ROBO1: variants seen among roughly 807,000 people sequenced by gnomAD.
ROBO1 encodes roundabout homolog 1.
Under a neutral mutation model 195.9 loss-of-function variants are expected in ROBO1, and 149 were observed. The ratio of observed to expected loss-of-function variants is 0.76; its 90% CI spans 0.67 to 0.87. The LOEUF (loss-of-function observed/expected upper bound fraction) is 0.87, where lower values mean the gene tolerates loss of function less well. ROBO1 is among the 40% of genes least tolerant of loss of function. ROBO1 has a pLI of 0.00. For missense variants in ROBO1, 1,933 were observed against 2,068.3 expected, an observed-to-expected ratio of 0.93 and a Z score of 1.27; for synonymous variants, 816 against 733.2, an observed-to-expected ratio of 1.11 and a Z score of -1.82.
intron 4 of ROBO1, among the ~76,000 whole-genome samples, chr3:78,779,989 G>A (rs896885128): frequency 9.9e-5 from 15 of 152,226 alleles, no homozygotes; most frequent in Middle Eastern, 3.4e-3. Flanking sequence ...ATCATTCTCA[G>A]CAAACTAACA....
chr3:78,876,106 T>C (rs1048803067), intron 4 of ROBO1, among the ~76,000 whole-genome samples: 1 of 152,100 alleles, frequency 6.6e-6, no homozygotes, highest in Non-Finnish European at 1.5e-5. Context: ...CTCACAGTTA[T>C]GTAGTCAAGA....
At chr3:79,031,715 A>G (rs1402202752) in intron 3 of ROBO1, among the ~76,000 whole-genome samples, 1 of 152,048 alleles carries the variant, frequency 6.6e-6, no homozygotes, top group East Asian at 1.9e-4. Flanking sequence ...ATCATCAAAC[A>G]TTAATTGATT....
At chr3:79,110,254 T>A (rs185616661) in intron 3 of ROBO1, among the ~76,000 whole-genome samples, 2 of 152,106 alleles carry the variant, frequency 1.3e-5, no homozygotes, top group African/African-American at 4.8e-5. Context: ...TCAGAAATAA[T>A]ATTTATATAA....
At chr3:79,643,670 T>C in intron 1 of ROBO1, among the ~76,000 whole-genome samples, 1 of 152,160 alleles carries the variant, frequency 6.6e-6, no homozygotes, top group East Asian at 1.9e-4. Flanking sequence ...TAACTTGTTA[T>C]ATCTATGAGG....
At chr3:79,237,691 T>A (rs1285463418) in intron 2 of ROBO1, among the ~76,000 whole-genome samples, 1 of 152,094 alleles carries the variant, frequency 6.6e-6, no homozygotes, top group Non-Finnish European at 1.5e-5. Context: ...TTTTGTCAAA[T>A]GTTATTTGCC....
In ROBO1 at chr3:78,831,574, A is replaced by G. The variant is rs189630966; in HGVS notation, c.500-84674T>C. ...GAGGAGATAGCAGATTATCCTACCTATCAGAAAATGACATGAGATAGTTTA... is the reference window on the plus strand; with the variant it reads ...GAGGAGATAGCAGATTATCCTACCTGTCAGAAAATGACATGAGATAGTTTA... On this transcript the variant is annotated intron_variant, in intron 4 of 30. Transcript: ENST00000464233. Among the ~76,000 whole-genome samples the G allele has an allele frequency of 3.9e-4, 59 of 152,320 alleles. 2 individuals carry two copies. Among genetic ancestry groups the G allele is most frequent in the Admixed American group, 2.3e-3 (35 of 15,304 alleles).
intron 2 of ROBO1, among the ~76,000 whole-genome samples, chr3:79,327,480 G>A (rs1191823228): frequency 6.6e-6 from 1 of 151,974 alleles, no homozygotes; most frequent in African/African-American, 2.4e-5. Flanking sequence ...AACTTAAACA[G>A]ACTTCCCGAG....
intron 4 of ROBO1, among the ~76,000 whole-genome samples, chr3:78,764,974 T>C (rs2083193227): frequency 6.6e-6 from 1 of 152,178 alleles, no homozygotes; most frequent in African/African-American, 2.4e-5. Flanking sequence ...GAGGAAGTTA[T>C]AGTCGTGATT....
intron 1 of ROBO1, among the ~76,000 whole-genome samples, chr3:79,732,341 A>G (rs1009022047): frequency 1.3e-5 from 2 of 151,220 alleles, no homozygotes; most frequent in African/African-American, 4.9e-5. Context: ...TATAAAATTT[A>G]CACAATTTAA....
chr3:79,039,598 C>A (rs533634528), intron 3 of ROBO1, among the ~76,000 whole-genome samples: 1 of 151,914 alleles, frequency 6.6e-6, no homozygotes, highest in South Asian at 2.1e-4. Flanking sequence ...GAGTTCAAGA[C>A]CATCCTGGCC....
intron 4 of ROBO1, among the ~76,000 whole-genome samples, chr3:78,798,772 T>C (rs899034954): frequency 3.9e-5 from 6 of 152,196 alleles, no homozygotes; most frequent in Non-Finnish European, 8.8e-5. Flanking sequence ...CAAGGAAACT[T>C]CCATGAAGAG....
intron 2 of ROBO1, among the ~76,000 whole-genome samples, chr3:79,461,062 A>C (rs999312369): frequency 1.3e-5 from 2 of 152,198 alleles, no homozygotes; most frequent in African/African-American, 4.8e-5. Context: ...CAGAGATACA[A>C]AGCATTGTAA....
intron 4 of ROBO1, among the ~76,000 whole-genome samples, chr3:78,923,502 T>C (rs1381002109): frequency 6.6e-6 from 1 of 152,076 alleles, no homozygotes. Flanking sequence ...TTCAGCTGAA[T>C]CAGAGAAAAA....
At chr3:79,273,688 G>A (rs1200407792) in intron 2 of ROBO1, among the ~76,000 whole-genome samples, 1 of 151,570 alleles carries the variant, frequency 6.6e-6, no homozygotes, top group Admixed American at 6.6e-5. Flanking sequence ...GAATGTAAAT[G>A]GGCTAAATTC....
rs1945406909 is a variant in ROBO1, at chr3:79,633,470, G to T, written c.-50-43509C>A. 4.6e-5 allele frequency among the ~76,000 whole-genome samples: 7 copies of T among 151,478 alleles called. No individual in the cohort carries two copies. In the South Asian group the frequency reaches 1.0e-3, roughly 23 times the overall value. ...CAAACTGCTAGGACAATCGGCATGG[G>T]CTACCATGCCCAGCCTACATATTTG... On this transcript the variant is annotated intron_variant, in intron 1 of 30. Transcript: ENST00000464233.
intron 8 of ROBO1, among the ~76,000 whole-genome samples, chr3:78,707,282 T>A (rs1424277968): frequency 6.6e-6 from 1 of 152,156 alleles, no homozygotes; most frequent in Non-Finnish European, 1.5e-5. Flanking sequence ...CGGGGCTTTT[T>A]TTCTGTCTTT....
intron 2 of ROBO1, among the ~76,000 whole-genome samples, chr3:79,317,399 G>T (rs958427556): frequency 6.6e-6 from 1 of 151,528 alleles, no homozygotes; most frequent in East Asian, 1.9e-4. Context: ...TGCTCACTAC[G>T]CCAGCTTCCA....
intron 5 of ROBO1, among the ~76,000 whole-genome samples, chr3:78,725,707 A>C (rs1026547628): frequency 8.5e-5 from 13 of 152,346 alleles, no homozygotes; most frequent in Middle Eastern, 3.4e-3. Context: ...CACACAAAGA[A>C]ATATACTGCC....
chr3:79,539,239 G>A (rs1396108223), intron 2 of ROBO1, among the ~76,000 whole-genome samples: 3 of 152,054 alleles, frequency 2.0e-5, no homozygotes, highest in Non-Finnish European at 4.4e-5. Context: ...TTTACAAGCT[G>A]GAATTATCAG....
Sources: allele counts gnomAD v4.1 joint callset (sites outside exome capture counted in the v4.1 genomes callset), GRCh38; gene constraint gnomAD v4.1.1; transcripts MANE v1.5; gene names NCBI Gene and HGNC (gene_info 2026-07-23, HGNC 2026-07-21).